The following FYB1 variants were observed in gnomAD, a reference collection of about 807,000 sequenced individuals.
The protein encoded by FYB1 is FYN-binding protein 1.
In FYB1, 41 loss-of-function variants were observed where a neutral mutation model predicts 94.1. That is an observed-to-expected ratio of 0.44 (90% CI 0.34 to 0.57). FYB1 has a LOEUF of 0.57. Ranked by LOEUF, FYB1 falls within the 20% of genes least tolerant of loss-of-function variation. FYB1 has a pLI of 0.02. For synonymous variants in FYB1, 367 were observed against 353.2 expected, an observed-to-expected ratio of 1.04 and a Z score of -0.44; for missense variants, 1,050 against 976.8, an observed-to-expected ratio of 1.07 and a Z score of -1.00.
chr5:39,165,009 G>T (rs1024719960), intron 2 of FYB1, among the ~76,000 whole-genome samples: 29 of 152,188 alleles, frequency 1.9e-4, no homozygotes, highest in Admixed American at 5.9e-4. Context: ...AAGTGACTAT[G>T]ACTCAGTAAA....
intron 2 of FYB1, among the ~76,000 whole-genome samples, chr5:39,184,416 T>G (rs1376137489): frequency 6.6e-6 from 1 of 152,218 alleles, no homozygotes. Flanking sequence ...TTCAAATTAC[T>G]ACAATGTGCA....
At chr5:39,236,023 T>G (rs1174820625) in intron 1 of FYB1, among the ~76,000 whole-genome samples, 1 of 151,998 alleles carries the variant, frequency 6.6e-6, no homozygotes, top group Non-Finnish European at 1.5e-5. Flanking sequence ...ATGTGGCTTG[T>G]GGCTACAGTA....
At chr5:39,248,072 GGAGA>G (rs894615159) in intron 1 of FYB1, among the ~76,000 whole-genome samples, 1 of 152,042 alleles carries the variant, frequency 6.6e-6, no homozygotes. Context: ...CTGGGTGGGT[GGAGA>G]GAGTCAGGTG....
rs762215055 is a variant in FYB1, at chr5:39,202,093, C to T, written c.868G>A (p.Ala290Thr). The T allele has an allele frequency of 1.2e-6, 2 of 1,614,054 alleles. No homozygotes were observed. The highest frequency in any genetic ancestry group is 1.7e-6 in the Non-Finnish European group (2 of 1,179,904). The change falls in exon 2 of 19, where the codon GCT becomes ACT. Residue 290 changes from alanine to threonine, a missense_variant. Ala to Thr is a moderately conservative substitution (Grantham distance 58). Coordinates refer to ENST00000512982, the MANE Select transcript of FYB1 (RefSeq NM_001465.6). ...TTGCTCTGGAAGGTGTTCTTAGCAG[C>T]ATCTATCTTCCTATCTTCCTTTTTT... ...EEKKEDRKIDAAKNTFQSKIN... is the reference protein window; with the variant it reads ...EEKKEDRKIDTAKNTFQSKIN...
intron 1 of FYB1, among the ~76,000 whole-genome samples, chr5:39,243,009 T>C (rs1470079400): frequency 1.3e-5 from 2 of 152,246 alleles, no homozygotes; most frequent in African/African-American, 2.4e-5. Flanking sequence ...CTTGTAAATT[T>C]GTTTAAGTTC....
intron 1 of FYB1, among the ~76,000 whole-genome samples, chr5:39,235,316 G>GT (rs1278910843): frequency 1.3e-5 from 2 of 151,202 alleles, no homozygotes; most frequent in Non-Finnish European, 2.9e-5. Flanking sequence ...TCTTAAAAAT[G>GT]TTTTTCTTGA....
At chr5:39,115,989 C>T (rs1393763271) in intron 16 of FYB1, among the ~76,000 whole-genome samples, 3 of 152,086 alleles carry the variant, frequency 2.0e-5, no homozygotes, top group South Asian at 2.1e-4. Context: ...TGAATTACTC[C>T]CTACCTTCCC....
Position 39,235,588 on chromosome 5 carries a change from G to A in FYB1, c.-27-32601C>T, listed in dbSNP as rs62358754. On this transcript the variant is annotated intron_variant, in intron 1 of 1. Transcript: ENST00000510188. ...ATCTTTACTTGTTTTTTTTTTTTTG[G>A]TATTGTGATGCTAGACACCTGAGTA... 2.1e-5 allele frequency among the ~76,000 whole-genome samples: 3 copies of A among 146,212 alleles called. No individual in the cohort carries two copies. The East Asian group carries it at 6.0e-4, about 29-fold the overall frequency.
At chr5:39,220,508 A>AAAGAC (rs905094920), upstream of FYB1, among the ~76,000 whole-genome samples, 1 of 152,016 alleles carries the variant, frequency 6.6e-6, no homozygotes, top group Non-Finnish European at 1.5e-5. Flanking sequence ...AAAGAAAAGA[A>AAAGAC]AAGACAAGAA....
chr5:39,161,813 A>C (rs1744271703), intron 2 of FYB1, among the ~76,000 whole-genome samples: 1 of 152,192 alleles, frequency 6.6e-6, no homozygotes. Flanking sequence ...TCACCTCAAA[A>C]ATAAACCCCT....
chr5:39,202,779 T>G lies in FYB1; in HGVS notation c.182A>C (p.Lys61Thr). ...AGAAGGTTTGACTGCCACAGGTGGC[T>G]TTGGGGACCCAAACTTAGGTACATT... ...PSNVPKFGSP[K>T]PPVAVKPSSE... Residue 61 changes from lysine (K) to threonine (T), a missense_variant, in exon 2 of 19, where the codon AAG becomes ACG. Coordinates refer to ENST00000512982, the MANE Select transcript of FYB1 (RefSeq NM_001465.6). 1 of 1,613,974 alleles carries G rather than the reference T, an allele frequency of 6.2e-7. No individual in the cohort carries two copies.
In FYB1 at chr5:39,148,381, GTTTTTTT is replaced by G. The variant is rs538508812; in HGVS notation, c.1292+5060_1292+5066del. On this transcript the variant is annotated intron_variant, in intron 3 of 18. Transcript: ENST00000512982. ...GCATTTAGCTTTTAATTATCAGCAGGTTTTTTTTTTTTTTTTTTTTTTTTTTTTTTTT... is the reference window on the plus strand; with the variant it reads ...GCATTTAGCTTTTAATTATCAGCAGGTTTTTTTTTTTTTTTTTTTTTTTTT... 1.5e-3 allele frequency among the ~76,000 whole-genome samples: 57 copies of G among 38,174 alleles called. 1 individual carries two copies. The highest frequency in any genetic ancestry group is 3.8e-3 in the African/African-American group (51 of 13,496). The allele number at this position is 38,174 out of a possible 152,430, so 25.0% of individuals were successfully genotyped here.
rs1743628287 is a variant in FYB1, at chr5:39,155,111, A to T, written c.1136-1507T>A. Among the ~76,000 whole-genome samples the T allele has an allele frequency of 2.0e-5, 3 of 152,336 alleles. No homozygotes were observed. The South Asian group carries it at 6.2e-4, about 32-fold the overall frequency. On this transcript the variant is annotated intron_variant, in intron 2 of 18. Coordinates refer to ENST00000512982, the MANE Select transcript of FYB1 (RefSeq NM_001465.6). ...AGCCTCTCTTTACAAACTTCAAAAA[A>T]AATACGGCACTTCACTGTAAATTTC...
intron 2 of FYB1, among the ~76,000 whole-genome samples, chr5:39,191,145 A>G (rs1157960257): frequency 2.0e-5 from 3 of 152,184 alleles, no homozygotes; most frequent in Non-Finnish European, 4.4e-5. Context: ...CTGCTTTGCC[A>G]TTTTTTGGGG....
At chr5:39,188,130 G>A (rs958435998) in intron 2 of FYB1, among the ~76,000 whole-genome samples, 2 of 152,038 alleles carry the variant, frequency 1.3e-5, no homozygotes, top group African/African-American at 4.8e-5. Context: ...CAAAGGCCCC[G>A]ATATCCCTCA....
chr5:39,190,768 T>TGTGTGTGTG (rs1747278086), intron 2 of FYB1, among the ~76,000 whole-genome samples: 1 of 146,454 alleles, frequency 6.8e-6, no homozygotes, highest in Admixed American at 6.9e-5. Flanking sequence ...CCATGCTTAT[T>TGTGTGTGTG]TGTGTGTGTG....
chr5:39,179,648 C>A (rs4957360), intron 2 of FYB1, among the ~76,000 whole-genome samples: 5 of 150,968 alleles, frequency 3.3e-5, no homozygotes, highest in African/African-American at 1.2e-4. Context: ...TGAGTTCAAG[C>A]GATTCTCCTG....
intron 1 of FYB1, among the ~76,000 whole-genome samples, chr5:39,252,432 T>A (rs1392289068): frequency 1.3e-5 from 2 of 152,216 alleles, no homozygotes; most frequent in Non-Finnish European, 2.9e-5. Flanking sequence ...TGGAATTTTT[T>A]AAAATTTTCT....
chr5:39,163,616 G>A (rs1057384720), intron 2 of FYB1, among the ~76,000 whole-genome samples: 5 of 152,090 alleles, frequency 3.3e-5, no homozygotes, highest in African/African-American at 1.2e-4. Context: ...AAGGTAAATT[G>A]TTTTTATAAA....
Sources: allele counts gnomAD v4.1 joint callset (sites outside exome capture counted in the v4.1 genomes callset), GRCh38; gene constraint gnomAD v4.1.1; transcripts MANE v1.5; gene names NCBI Gene and HGNC (gene_info 2026-07-23, HGNC 2026-07-21).